ZFAND3: variants seen among roughly 807,000 people sequenced by gnomAD.
ZFAND3 encodes zinc finger AN1-type containing 3, also known as AN1-type zinc finger protein 3.
Under a neutral mutation model 29.6 loss-of-function variants are expected in ZFAND3, and 10 were observed. The ratio of observed to expected loss-of-function variants is 0.34; its 90% CI spans 0.21 to 0.57. The LOEUF is 0.57. ZFAND3 is among the 20% of genes least tolerant of loss of function. ZFAND3 has a pLI of 0.86. For synonymous variants in ZFAND3, 128 were observed against 112.6 expected (o/e 1.14, Z -0.87); for missense variants, 230 against 304.5 (o/e 0.76, Z 1.82).
chr6:37,944,965 G>A (rs552666075), intron 2 of ZFAND3, among the ~76,000 whole-genome samples: 41 of 152,322 alleles, frequency 2.7e-4, no homozygotes, highest in African/African-American at 9.1e-4. Context: ...AAGGGGTGGA[G>A]TATTCATGAA....
intron 4 of ZFAND3, among the ~76,000 whole-genome samples, chr6:38,097,276 C>T (rs1765002757): frequency 7.2e-6 from 1 of 139,802 alleles, no homozygotes; most frequent in Admixed American, 7.3e-5. Context: ...TTTTAAGAGA[C>T]GGAGTCTCGC....
At chr6:37,886,996 C>A (rs1013172818) in intron 1 of ZFAND3, among the ~76,000 whole-genome samples, 11 of 152,098 alleles carry the variant, frequency 7.2e-5, no homozygotes, top group African/African-American at 2.7e-4. Context: ...CAGAGTGAGA[C>A]CCTGTCTCAA....
At chr6:37,834,004 C>CAGTG (rs1173057608) in intron 1 of ZFAND3, among the ~76,000 whole-genome samples, 3 of 152,170 alleles carry the variant, frequency 2.0e-5, no homozygotes, top group Non-Finnish European at 4.4e-5. Context: ...GATGAACCTA[C>CAGTG]AGTGACACAT....
intron 1 of ZFAND3, chr6:37,915,772 GTTTA>G (rs1282606322): frequency 1.3e-5 from 2 of 150,974 alleles, no homozygotes; most frequent in African/African-American, 2.4e-5. Context: ...AAAATTTTTT[GTTTA>G]TTTATTTTTT....
intron 1 of ZFAND3, among the ~76,000 whole-genome samples, chr6:37,927,299 C>T (rs765327302): frequency 6.6e-6 from 1 of 152,140 alleles, no homozygotes; most frequent in Non-Finnish European, 1.5e-5. Context: ...GAAGGCTTTC[C>T]ATGATTCCTG....
In ZFAND3 at chr6:38,073,990, A is replaced by G. The variant is rs192686841; in HGVS notation, c.296-8402A>G. On this transcript the variant is annotated intron_variant, in intron 3 of 5. Coordinates refer to ENST00000287218, the MANE Select transcript of ZFAND3 (RefSeq NM_021943.3). ...GGGAAACCCTTTTACTGTTATTTAC[A>G]CTTAGTACATCAGTTGGTTTCTGCA... Among the ~76,000 whole-genome samples the G allele has an allele frequency of 1.4e-3, 210 of 152,282 alleles. 1 individual carries two copies. The highest frequency in any genetic ancestry group is 2.6e-3 in the Non-Finnish European group (179 of 68,010).
In ZFAND3 at chr6:37,998,465, G is replaced by A. The variant is rs1762890079; in HGVS notation, c.113-63128G>A. Among the ~76,000 whole-genome samples the A allele has an allele frequency of 2.7e-5, 4 of 150,638 alleles. No homozygotes were observed. In the South Asian group the frequency reaches 8.4e-4, roughly 32 times the overall value. On this transcript the variant is annotated intron_variant, in intron 2 of 5. Transcript: ENST00000287218. ...AAAATTAAAAAGAAAATGTTTAGGAGATCCCAGGATAGAATGCAGAATGTT... is the reference window on the plus strand; with the variant it reads ...AAAATTAAAAAGAAAATGTTTAGGAAATCCCAGGATAGAATGCAGAATGTT...
chr6:38,108,836 A>G (rs1765258730), intron 4 of ZFAND3, among the ~76,000 whole-genome samples: 1 of 152,242 alleles, frequency 6.6e-6, no homozygotes, highest in Non-Finnish European at 1.5e-5. Flanking sequence ...ACTTAGTATT[A>G]ACCATTATAG....
At chr6:38,041,686 TCCTTCTCCTTC>T (rs1561976807) in intron 2 of ZFAND3, among the ~76,000 whole-genome samples, 482 of 21,590 alleles carry the variant, frequency 0.022, 16 homozygotes, top group African/African-American at 0.049. Flanking sequence ...CTTCTTCTTC[TCCTTCTCCTTC>T]TCCTCCTCCT....
rs889537246 is a variant in ZFAND3, at chr6:37,865,168, A to T, written c.71+45152A>T. Among the ~76,000 whole-genome samples the T allele has an allele frequency of 2.6e-5, 4 of 152,206 alleles. No homozygotes were observed. In the East Asian group the frequency reaches 5.8e-4, roughly 22 times the overall value. ...ACTCCAGCCTGGGAGACTGGGTGAC[A>T]CTTCGTCTCAAAAAAAATAAAAAAT... On this transcript the variant is annotated intron_variant, in intron 1 of 5. Coordinates refer to ENST00000287218, the MANE Select transcript of ZFAND3 (RefSeq NM_021943.3).
rs183088737 is a variant in ZFAND3, at chr6:38,021,281, A to G, written c.113-40312A>G. Among the ~76,000 whole-genome samples, 15 of 152,356 alleles carry G rather than the reference A, an allele frequency of 9.8e-5. 1 individual carries two copies. The highest frequency in any genetic ancestry group is 7.7e-4 in the East Asian group (4 of 5,192). On this transcript the variant is annotated intron_variant, in intron 2 of 5. Transcript: ENST00000287218. ...TGTGGAGAAGATTAATGATTTGTCT[A>G]TGAAAGCCAGTGAGCATTAAAGTCT...
At chr6:38,095,541 A>G (rs1764961691) in intron 4 of ZFAND3, among the ~76,000 whole-genome samples, 1 of 151,998 alleles carries the variant, frequency 6.6e-6, no homozygotes, top group Non-Finnish European at 1.5e-5. Context: ...TTTCCTCTCC[A>G]ATCTGAACTA....
intron 2 of ZFAND3, among the ~76,000 whole-genome samples, chr6:38,041,631 T>A (rs201267787): frequency 1.8e-5 from 1 of 56,196 alleles, no homozygotes; most frequent in Non-Finnish European, 4.6e-5. Context: ...TTATCTACTT[T>A]TTCTTCTTCT....
At chr6:38,136,422 T>G (rs1400039997) in intron 5 of ZFAND3, among the ~76,000 whole-genome samples, 1 of 152,238 alleles carries the variant, frequency 6.6e-6, no homozygotes, top group Non-Finnish European at 1.5e-5. Flanking sequence ...TGGGGAGTAC[T>G]GCCTGACTGC....
At chr6:38,034,549 C>T (rs986909915) in intron 2 of ZFAND3, among the ~76,000 whole-genome samples, 1 of 152,118 alleles carries the variant, frequency 6.6e-6, no homozygotes, top group African/African-American at 2.4e-5. Context: ...GAAAAATATG[C>T]AGTATCTTTT....
At chr6:37,995,422 G>A (rs1010742116) in intron 2 of ZFAND3, among the ~76,000 whole-genome samples, 1 of 152,130 alleles carries the variant, frequency 6.6e-6, no homozygotes, top group African/African-American at 2.4e-5. Context: ...TCTTGTGCAC[G>A]TAGTTTTTGG....
intron 1 of ZFAND3, among the ~76,000 whole-genome samples, chr6:37,929,717 A>G (rs913332408): frequency 1.3e-5 from 2 of 151,990 alleles, no homozygotes; most frequent in African/African-American, 4.8e-5. Context: ...ACATTGGCTA[A>G]TTTACAGGTA....
At chr6:38,016,650 T>C (rs528654098) in intron 2 of ZFAND3, among the ~76,000 whole-genome samples, 1 of 152,324 alleles carries the variant, frequency 6.6e-6, no homozygotes, top group Admixed American at 6.5e-5. Flanking sequence ...CTTAATGGAT[T>C]TGTCCAGTGA....
intron 1 of ZFAND3, among the ~76,000 whole-genome samples, chr6:37,858,286 A>C (rs1188170457): frequency 6.6e-6 from 1 of 152,196 alleles, no homozygotes; most frequent in Non-Finnish European, 1.5e-5. Context: ...ATGCTGGAAG[A>C]ACTTCTTGGG....
Sources: gnomAD v4.1 joint callset for allele counts (sites outside exome capture counted in the v4.1 genomes callset) on GRCh38, gnomAD v4.1.1 for gene constraint, MANE v1.5 for transcripts, NCBI Gene and HGNC (gene_info 2026-07-23, HGNC 2026-07-21) for gene names.